PANK1: variants seen among roughly 807,000 people sequenced by gnomAD.
PANK1 encodes the protein pantothenic acid kinase 1.
Under a neutral mutation model 40.1 loss-of-function variants are expected in PANK1, and 18 were observed. The observed-to-expected ratio is 0.45, with a 90% confidence interval of 0.31 to 0.67. The LOEUF (loss-of-function observed/expected upper bound fraction) is 0.67. PANK1 is among the 30% of genes least tolerant of loss of function. PANK1 has a pLI of 0.06. For synonymous variants in PANK1, 242 were observed against 237.7 expected (o/e 1.02, Z -0.17); for missense variants, 457 against 599.6 (o/e 0.76, Z 2.48).
At chr10:89,605,299 G>C (rs781155900) in intron 2 of PANK1, among the ~76,000 whole-genome samples, 5 of 152,140 alleles carry the variant, frequency 3.3e-5, no homozygotes, top group Non-Finnish European at 7.4e-5. Context: ...TTTCACAAAA[G>C]ATTTCTCCAC....
chr10:89,588,781 GA>G lies in PANK1; in HGVS notation c.1201-5del. 3 of 1,563,892 alleles carry G rather than the reference GA, an allele frequency of 1.9e-6. No homozygotes were observed. Among genetic ancestry groups the G allele is most frequent in the African/African-American group, 1.4e-5 (1 of 72,306 alleles). ...CAAACACAACTCTGTCTATGTTCTG[GA>G]AAAAATATTAAAGAAAACAATTGAA... is the stretch of plus-strand genomic sequence containing the variant. On this transcript the variant is annotated splice_region_variant and splice_polypyrimidine_tract_variant and intron_variant, in intron 5 of 6. Transcript: ENST00000307534.
At chr10:89,620,583 A>G (rs1232301741) in intron 1 of PANK1, among the ~76,000 whole-genome samples, 1 of 152,212 alleles carries the variant, frequency 6.6e-6, no homozygotes, top group East Asian at 1.9e-4. Flanking sequence ...ATGACAATGC[A>G]TGCCCAGCAG....
At chr10:89,623,071 T>C (rs1412697060) in intron 1 of PANK1, among the ~76,000 whole-genome samples, 2 of 152,176 alleles carry the variant, frequency 1.3e-5, no homozygotes, top group African/African-American at 4.8e-5. Flanking sequence ...TTTCAGGCGG[T>C]TATAATTTTG....
chr10:89,624,972 C>T (rs190756336), intron 1 of PANK1, among the ~76,000 whole-genome samples: 67 of 152,264 alleles, frequency 4.4e-4, no homozygotes, highest in African/African-American at 1.4e-3. Context: ...CATCACAGCT[C>T]ACTGCAGCCT....
At chr10:89,587,445 AAGGT>A (rs1263750277) in intron 6 of PANK1, among the ~76,000 whole-genome samples, 1 of 152,240 alleles carries the variant, frequency 6.6e-6, no homozygotes, top group Admixed American at 6.5e-5. Context: ...AATATTGAAA[AAGGT>A]AGTCAGAAAT....
At chr10:89,615,277 G>C (rs1487251362) in intron 1 of PANK1, among the ~76,000 whole-genome samples, 1 of 152,158 alleles carries the variant, frequency 6.6e-6, no homozygotes, top group Non-Finnish European at 1.5e-5. Context: ...ATTCACCCAG[G>C]TACAGCTGCT....
At chr10:89,595,341 C>T (rs1473859281) in intron 3 of PANK1, among the ~76,000 whole-genome samples, 1 of 151,838 alleles carries the variant, frequency 6.6e-6, no homozygotes, top group Non-Finnish European at 1.5e-5. Flanking sequence ...ATCCAAGCTA[C>T]TCAGAAAACT....
intron 1 of PANK1, among the ~76,000 whole-genome samples, chr10:89,615,198 C>G (rs11185791): frequency 0.15 from 23,096 of 152,156 alleles, 2,207 homozygotes; most frequent in East Asian, 0.46. Flanking sequence ...GAGATACTTC[C>G]GCACAACAAG....
intron 1 of PANK1, among the ~76,000 whole-genome samples, chr10:89,631,969 TGTG>T (rs1358240143): frequency 1.2e-5 from 1 of 83,350 alleles, no homozygotes; most frequent in Non-Finnish European, 2.3e-5. Context: ...TGTGTGTGTG[TGTG>T]TGTGTTTTTT....
At chr10:89,601,335 A>T (rs1015733161) in intron 2 of PANK1, among the ~76,000 whole-genome samples, 5 of 124,350 alleles carry the variant, frequency 4.0e-5, no homozygotes, top group Non-Finnish European at 6.9e-5. Context: ...AAAAAAAAAA[A>T]GCCTGGTGTG....
chr10:89,592,736 G>A (rs780314503), intron 5 of PANK1: 5 of 534,806 alleles, frequency 9.3e-6, no homozygotes, highest in Admixed American at 7.8e-5. Flanking sequence ...GGCCTTGGCT[G>A]TAGCAAGCTC....
chr10:89,608,303 T>C (rs1161833761), intron 2 of PANK1, among the ~76,000 whole-genome samples: 3 of 151,866 alleles, frequency 2.0e-5, no homozygotes, highest in Non-Finnish European at 4.4e-5. Flanking sequence ...AGTGCTGGGA[T>C]TACAGGCGTG....
chr10:89,609,856 T>C (rs1316304635), intron 2 of PANK1, among the ~76,000 whole-genome samples: 1 of 152,232 alleles, frequency 6.6e-6, no homozygotes, highest in Non-Finnish European at 1.5e-5. Flanking sequence ...CAACACATAT[T>C]GAGTAACTTT....
chr10:89,627,286 G>A lies in PANK1; in HGVS notation c.293-15238C>T, dbSNP rs75346640. On this transcript the variant is annotated intron_variant, in intron 1 of 6. Coordinates refer to ENST00000307534, the MANE Select transcript of PANK1 (RefSeq NM_148977.3). ...AAAAAGCAAAACTTAAATTTGCCAC[G>A]TGCTGGTGCTATAAAGAATCCATGT... Among the ~76,000 whole-genome samples, 1,396 of 151,660 alleles carry A rather than the reference G, an allele frequency of 9.2e-3. 21 individuals are homozygous for A. The highest frequency in any genetic ancestry group is 0.032 in the African/African-American group (1,304 of 41,294).
intron 1 of PANK1, among the ~76,000 whole-genome samples, chr10:89,637,397 C>T (rs377681735): frequency 8.5e-5 from 13 of 152,318 alleles, no homozygotes; most frequent in East Asian, 5.8e-4. Context: ...CAACCCTAGA[C>T]GCTATAGCCT....
chr10:89,579,976 T>G (rs925655052), downstream of PANK1: 2 of 152,248 alleles, frequency 1.3e-5, no homozygotes, highest in African/African-American at 4.8e-5. Context: ...ATAAACGATG[T>G]ACACTAATGA....
At chr10:89,605,507 T>C (rs1287076983) in intron 2 of PANK1, among the ~76,000 whole-genome samples, 2 of 152,228 alleles carry the variant, frequency 1.3e-5, no homozygotes, top group East Asian at 3.8e-4. Flanking sequence ...TCTTTGCCCA[T>C]CCATAAGAGG....
At chr10:89,585,820 G>A (rs1040698141) in intron 6 of PANK1, among the ~76,000 whole-genome samples, 5 of 152,208 alleles carry the variant, frequency 3.3e-5, no homozygotes, top group Non-Finnish European at 7.3e-5. Flanking sequence ...CACCATACCC[G>A]TGCTTCTCAA....
At chr10:89,599,888 C>T (rs1388674171) in intron 2 of PANK1, among the ~76,000 whole-genome samples, 2 of 152,038 alleles carry the variant, frequency 1.3e-5, no homozygotes, top group Non-Finnish European at 2.9e-5. Context: ...AAGTGACCAT[C>T]CTGGGTTATT....
Sources: gnomAD v4.1 joint callset for allele counts (sites outside exome capture counted in the v4.1 genomes callset) on GRCh38, gnomAD v4.1.1 for gene constraint, MANE v1.5 for transcripts, NCBI Gene and HGNC (gene_info 2026-07-23, HGNC 2026-07-21) for gene names.